UFSP2: variants seen among roughly 807,000 people sequenced by gnomAD.
The protein encoded by UFSP2 is ufm1-specific protease 2.
In UFSP2, 43 loss-of-function variants were observed where a neutral mutation model predicts 60.2. That is an observed-to-expected ratio of 0.71 (90% CI 0.56 to 0.92). The LOEUF is 0.92. Ranked by LOEUF, UFSP2 falls within the 40% of genes least tolerant of loss-of-function variation. The probability of loss-of-function intolerance (pLI) is 0.00; values close to 1 mark genes in which losing one functional copy is unlikely to be tolerated. For synonymous variants in UFSP2, 183 were observed against 195.1 expected, an observed-to-expected ratio of 0.94 and a Z score of 0.52; for missense variants, 520 against 575.0, an observed-to-expected ratio of 0.90 and a Z score of 0.98.
At chr4:185,404,563 C>A (rs917117715) in intron 10 of UFSP2, among the ~76,000 whole-genome samples, 1 of 151,952 alleles carries the variant, frequency 6.6e-6, no homozygotes, top group African/African-American at 2.4e-5. Flanking sequence ...TCCCAAAGTG[C>A]TGGGATTACA....
rs771419945 is a variant in UFSP2, at chr4:185,408,415, T to C, written c.852A>G (p.Ile284Met). Residue 284 changes from isoleucine to methionine, a missense_variant, in exon 8 of 12, where the codon ATA becomes ATG. Transcript: ENST00000264689. ...CCTGCATATAATGATGATAGCCATA[T>C]ATGCCCTGGACCACATAAATCTATA... The part of the protein sequence containing the change: ...ETGMIYVVQG[I>M]YGYHHYMQDR... 1.2e-6 allele frequency: 2 copies of C among 1,614,166 alleles called. No homozygotes were observed. Among genetic ancestry groups the C allele is most frequent in the East Asian group, 2.2e-5 (1 of 44,880 alleles).
At chr4:185,416,955 A>T (rs2095539773) in intron 4 of UFSP2, among the ~76,000 whole-genome samples, 1 of 152,212 alleles carries the variant, frequency 6.6e-6, no homozygotes, top group Non-Finnish European at 1.5e-5. Flanking sequence ...TTATCAATGG[A>T]TGCTAAAAGT....
At chr4:185,403,381 C>T (rs528011225) in intron 11 of UFSP2, 113 bp downstream of exon 11, 2 of 1,387,404 alleles carry the variant, frequency 1.4e-6, no homozygotes, top group South Asian at 1.4e-5. Flanking sequence ...AAGGCCTCCA[C>T]ACAGGGAGAT....
At position 185,408,016 on chromosome 4, in the gene UFSP2, C is replaced by T. The variant is rs765955863; in HGVS notation, c.1041G>A (p.Ser347=). The part of the protein sequence containing the change: ...AGDKPATFVG[S]RQWIGSIEVQ... ...CCTCAATAGATCCAATCCATTGCCG[C>T]GATCCGACAAATGTTGCTGGTTTGT... The change falls in exon 9 of 12, where the codon TCG becomes TCA. Residue 347 remains serine, a synonymous_variant. Transcript: ENST00000264689. 85 of 1,613,924 alleles carry T rather than the reference C, an allele frequency of 5.3e-5. No homozygotes were observed. Among genetic ancestry groups the T allele is most frequent in the South Asian group, 1.6e-4 (15 of 91,070 alleles).
At chr4:185,424,910 G>A (rs1358800676) in intron 1 of UFSP2, among the ~76,000 whole-genome samples, 1 of 152,162 alleles carries the variant, frequency 6.6e-6, no homozygotes, top group Non-Finnish European at 1.5e-5. Flanking sequence ...CTAGACTTCC[G>A]AATTAGCTGA....
intron 10 of UFSP2, among the ~76,000 whole-genome samples, chr4:185,405,407 A>C (rs897476253): frequency 6.6e-5 from 10 of 152,170 alleles, no homozygotes; most frequent in Non-Finnish European, 8.8e-5. Context: ...CAATCTTCTT[A>C]TTTTACAAAT....
chr4:185,420,337 A>C (rs1166605249), intron 2 of UFSP2, among the ~76,000 whole-genome samples: 1 of 152,200 alleles, frequency 6.6e-6, no homozygotes, highest in African/African-American at 2.4e-5. Flanking sequence ...GACACATTCA[A>C]TTTGGAAACA....
Position 185,400,093 on chromosome 4 carries a change from AC to A in UFSP2, c.*298del. ...TCTATAAGCTCCTGCTTTTGGCTTT[AC>A]CATATGTTGTGTCTAATCTCCTTCT... On this transcript the variant is annotated 3_prime_UTR_variant, in exon 12 of 12. Transcript: ENST00000264689. 7.3e-7 allele frequency: 1 copy of A among 1,370,588 alleles called. No individual in the cohort carries two copies. The highest frequency in any genetic ancestry group is 1.0e-6 in the Non-Finnish European group (1 of 983,554). The allele number at this position is 1,370,588 out of a possible 1,614,324, so 84.9% of individuals were successfully genotyped here.
chr4:185,413,264 T>C (rs1037077279), intron 7 of UFSP2, among the ~76,000 whole-genome samples: 1 of 152,208 alleles, frequency 6.6e-6, no homozygotes, highest in Non-Finnish European at 1.5e-5. Context: ...GGCAGGTGCC[T>C]GTAACCCCAG....
chr4:185,424,858 T>G (rs1358582091), intron 1 of UFSP2, among the ~76,000 whole-genome samples: 1 of 152,242 alleles, frequency 6.6e-6, no homozygotes, highest in African/African-American at 2.4e-5. Flanking sequence ...AGGGTTGTTA[T>G]GAAGATTCCA....
Position 185,399,849 on chromosome 4 carries a change from A to C in UFSP2, c.*543T>G. 5.0e-6 allele frequency: 8 copies of C among 1,586,050 alleles called. No homozygotes were observed. The highest frequency in any genetic ancestry group is 6.9e-6 in the Non-Finnish European group (8 of 1,165,328). ...TGCATAGCATTTATTATTCCATTTA[A>C]TACTGACACTCGTATTTCTAGTAGT... On this transcript the variant is annotated 3_prime_UTR_variant, in exon 12 of 12. Coordinates refer to ENST00000264689, the MANE Select transcript of UFSP2 (RefSeq NM_018359.5).
chr4:185,415,815 G>C lies in UFSP2; in HGVS notation c.386C>G (p.Ala129Gly). ...TTCCCTTTCAATGATGGGCGTTACA[G>C]CTGCCAGGGAGGTTGACATTTCCAG... ...LMLEMSTSLA[A>G]VTPIIERESG... The change falls in exon 5 of 12, where the codon GCT becomes GGT. Residue 129 changes from alanine (A) to glycine (G), a missense_variant. Coordinates refer to ENST00000264689, the MANE Select transcript of UFSP2 (RefSeq NM_018359.5). The C allele has an allele frequency of 1.2e-6, 2 of 1,613,688 alleles. No individual in the cohort carries two copies. The highest frequency in any genetic ancestry group is 1.7e-6 in the Non-Finnish European group (2 of 1,179,686).
At chr4:185,408,138 T>G in intron 8 of UFSP2, 78 bp from the exon 9 acceptor site, 1 of 1,553,468 alleles carries the variant, frequency 6.4e-7, no homozygotes, top group Admixed American at 1.8e-5. Flanking sequence ...TTTCCCTGAT[T>G]ACCAGTACAA....
chr4:185,422,186 G>A (rs1482609977), intron 2 of UFSP2, among the ~76,000 whole-genome samples: 1 of 152,178 alleles, frequency 6.6e-6, no homozygotes, highest in Non-Finnish European at 1.5e-5. Flanking sequence ...TACAATTCTC[G>A]ACGCACATTT....
chr4:185,408,079 A>AT lies in UFSP2; in HGVS notation c.997-20dup, dbSNP rs1390302117. The AT allele has an allele frequency of 6.2e-7, 1 of 1,610,808 alleles. No homozygotes were observed. The highest frequency in any genetic ancestry group is 8.5e-7 in the Non-Finnish European group (1 of 1,177,296). On this transcript the variant is annotated intron_variant, in intron 8 of 11. Transcript: ENST00000264689. ...CTAGAGCCTTGATGTATTTAAAAAT[A>AT]TAAAACATCCATACACAAGACAGCT...
chr4:185,419,559 C>T (rs2095545809), intron 2 of UFSP2, among the ~76,000 whole-genome samples: 1 of 152,228 alleles, frequency 6.6e-6, no homozygotes, highest in African/African-American at 2.4e-5. Context: ...TATCTCTCAT[C>T]CAGCTTCCTT....
intron 10 of UFSP2, among the ~76,000 whole-genome samples, chr4:185,404,038 C>T (rs895868305): frequency 6.7e-6 from 1 of 150,218 alleles, no homozygotes; most frequent in African/African-American, 2.4e-5. Context: ...AAATGGACTA[C>T]CCTACACTAT....
chr4:185,418,071 C>CACACACACACACA lies in UFSP2; in HGVS notation c.333+369_333+370insTGTGTGTGTGTGT, dbSNP rs761008119. ...AAACACACACACACACACACACAAA[C>CACACACACACACA]AACAGAACCAAGAGTAGTGTGAAGA... On this transcript the variant is annotated intron_variant, in intron 4 of 11. Coordinates refer to ENST00000264689, the MANE Select transcript of UFSP2 (RefSeq NM_018359.5). Among the ~76,000 whole-genome samples, 293 of 151,798 alleles carry CACACACACACACA rather than the reference C, an allele frequency of 1.9e-3. 1 individual carries two copies. Among genetic ancestry groups the CACACACACACACA allele is most frequent in the Middle Eastern group, 6.8e-3 (2 of 292 alleles).
intron 11 of UFSP2, chr4:185,400,725 T>TG (rs1554022483): frequency 1.9e-5 from 7 of 360,758 alleles, no homozygotes; most frequent in Non-Finnish European, 3.0e-5. Context: ...TACCTGTAAC[T>TG]GTTATTCCAG....
Sources: gnomAD v4.1 joint callset for allele counts (sites outside exome capture counted in the v4.1 genomes callset) on GRCh38, gnomAD v4.1.1 for gene constraint, MANE v1.5 for transcripts, NCBI Gene and HGNC (gene_info 2026-07-23, HGNC 2026-07-21) for gene names.